KCNC4: variants seen among roughly 807,000 people sequenced by gnomAD.
KCNC4 encodes voltage-gated potassium channel KCNC4.
A neutral mutation model predicts 42.8 loss-of-function variants in KCNC4; 23 were observed. The ratio of observed to expected loss-of-function variants is 0.54; its 90% CI spans 0.39 to 0.76. The LOEUF is 0.76. Ranked by LOEUF, KCNC4 falls within the 30% of genes least tolerant of loss-of-function variation. The pLI is 0.00. For missense variants in KCNC4, 751 were observed against 898.2 expected (o/e 0.84, Z 2.10); for synonymous variants, 422 against 393.5 (o/e 1.07, Z -0.86).
intron 1 of KCNC4, among the ~76,000 whole-genome samples, chr1:110,255,335 C>A (rs975147961): frequency 6.6e-6 from 1 of 152,186 alleles, no homozygotes; most frequent in Non-Finnish European, 1.5e-5. Flanking sequence ...TTCACTTCAC[C>A]GTCTTCTCTC....
At position 110,210,800 on chromosome 1, in the gene KCNC4, C is replaced by T. The variant is rs1385480896; in HGVS notation, c.-700C>T. Among the ~76,000 whole-genome samples, 2 of 151,968 alleles carry T rather than the reference C, an allele frequency of 1.3e-5. No homozygotes were observed. Among genetic ancestry groups the T allele is most frequent in the Non-Finnish European group, 1.5e-5 (1 of 67,944 alleles). On this transcript the variant is annotated 5_prime_UTR_variant, in exon 1 of 4. Coordinates refer to ENST00000438661, the MANE Select transcript of KCNC4 (RefSeq NM_001039574.3). ...GCGGGCGCGCTTGTTTTCCAGCTGC[C>T]GCCTCGCCCTGCGCAGCCCCCGCCC... is the stretch of plus-strand genomic sequence containing the variant.
At chr1:110,232,236 G>C (rs749707254) in intron 3 of KCNC4, 1 of 1,613,946 alleles carries the variant, frequency 6.2e-7, no homozygotes, top group Non-Finnish European at 8.5e-7. Flanking sequence ...TTCGTCCTCC[G>C]TGACCTTCCC....
intron 1 of KCNC4, chr1:110,222,694 T>TGCCCTTTGATAG (rs1182109571): frequency 4.5e-6 from 2 of 443,272 alleles, no homozygotes; most frequent in Non-Finnish European, 8.2e-6. Flanking sequence ...CAAAGGCAGG[T>TGCCCTTTGATAG]CTAGCAGCTG....
intron 1 of KCNC4, among the ~76,000 whole-genome samples, chr1:110,273,892 G>A (rs1659675320): frequency 6.6e-6 from 1 of 152,194 alleles, no homozygotes; most frequent in African/African-American, 2.4e-5. Context: ...ACTGGTGGTA[G>A]AGAGGTCTCA....
intron 1 of KCNC4, among the ~76,000 whole-genome samples, chr1:110,270,350 G>A (rs901886040): frequency 1.3e-5 from 2 of 152,200 alleles, no homozygotes; most frequent in South Asian, 4.1e-4. Context: ...CAGGGAACAA[G>A]CTACTGGAAA....
chr1:110,277,810 C>G (rs1327450125), intron 1 of KCNC4, among the ~76,000 whole-genome samples: 1 of 152,098 alleles, frequency 6.6e-6, no homozygotes, highest in Non-Finnish European at 1.5e-5. Context: ...TTTATAAGAC[C>G]CTTTCTTTTT....
chr1:110,223,426 T>C lies in KCNC4; in HGVS notation c.1141T>C (p.Phe381Leu). The change falls in exon 2 of 4, where the codon TTC (phenylalanine) becomes CTC (leucine). Residue 381 changes from phenylalanine (F) to leucine (L), a missense_variant. Phe to Leu is a conservative substitution (Grantham distance 22). Transcript: ENST00000438661. This position sits in a 1 kb window ranked among gnomAD's most constrained non-coding sequence, Gnocchi z 7.5. ...GHTLRASTNEFLLLIIFLALG... is the reference protein window; with the variant it reads ...GHTLRASTNELLLLIIFLALG... ...CACCCTGAGGGCCAGCACCAATGAG[T>C]TCCTGCTGCTTATCATCTTCCTGGC... 6.2e-7 allele frequency: 1 copy of C among 1,613,892 alleles called. No homozygotes were observed. Among genetic ancestry groups the C allele is most frequent in the Non-Finnish European group, 8.5e-7 (1 of 1,180,006 alleles).
intron 1 of KCNC4, among the ~76,000 whole-genome samples, chr1:110,277,545 A>G (rs143820614): frequency 6.6e-6 from 1 of 152,318 alleles, no homozygotes; most frequent in Non-Finnish European, 1.5e-5. Context: ...CAAGATCTAT[A>G]AAGTCTGACA....
rs778026087 is a variant in KCNC4, at chr1:110,223,293, C to T, written c.1008C>T (p.Ser336=). ...AGGTGGGGCTGAGCGGCCTGTCATC[C>T]AAGGCGGCCCGCGACGTGCTGGGCT... The part of the protein sequence containing the change: ...YLEVGLSGLS[S]KAARDVLGFL... Residue 336 remains serine (S), a synonymous_variant, in exon 2 of 4, where the codon TCC becomes TCT. Coordinates refer to ENST00000438661, the MANE Select transcript of KCNC4 (RefSeq NM_001039574.3). This position sits in a 1 kb window ranked among gnomAD's most constrained non-coding sequence, Gnocchi z 7.5. The T allele has an allele frequency of 3.7e-6, 6 of 1,614,214 alleles. No individual in the cohort carries two copies. The highest frequency in any genetic ancestry group is 5.1e-6 in the Non-Finnish European group (6 of 1,180,036).
intron 3 of KCNC4, among the ~76,000 whole-genome samples, chr1:110,227,475 G>T (rs931258966): frequency 1.3e-5 from 2 of 152,216 alleles, no homozygotes; most frequent in African/African-American, 4.8e-5. Context: ...TGCCTAGAAG[G>T]AAGTGGTCCA....
exon 4 of KCNC4, chr1:110,242,288 C>T (rs1359625975): frequency 6.6e-6 from 1 of 152,198 alleles, no homozygotes; most frequent in Non-Finnish European, 1.5e-5. Context: ...TTTCTCCCTC[C>T]GTCTGCTTCC....
chr1:110,260,308 A>G (rs1659402931), intron 1 of KCNC4, among the ~76,000 whole-genome samples: 1 of 152,222 alleles, frequency 6.6e-6, no homozygotes, highest in Admixed American at 6.5e-5. Flanking sequence ...GGGATCTGTA[A>G]GATGTTAGGA....
intron 3 of KCNC4, 31 bp downstream of exon 3, chr1:110,226,209 G>C: frequency 6.2e-7 from 1 of 1,601,102 alleles, no homozygotes; most frequent in African/African-American, 1.3e-5. Context: ...CAGGTGGGGA[G>C]CCCCCACAGA....
chr1:110,224,082 G>A (rs866305493), intron 2 of KCNC4, 182 bp downstream of exon 2: 42 of 596,846 alleles, frequency 7.0e-5, no homozygotes, highest in Middle Eastern at 2.8e-4. Flanking sequence ...CTGGGTCTCC[G>A]ATAGCTTCCC....
intron 1 of KCNC4, among the ~76,000 whole-genome samples, chr1:110,214,976 C>T (rs574492298): frequency 1.3e-5 from 2 of 152,196 alleles, no homozygotes; most frequent in African/African-American, 4.8e-5. Flanking sequence ...GCCCTGTTCC[C>T]CCCGGTATAT....
chr1:110,238,281 G>A (rs185495440), downstream of KCNC4: 2 of 152,130 alleles, frequency 1.3e-5, no homozygotes, highest in South Asian at 2.1e-4. Flanking sequence ...CATCAAATAC[G>A]AGTCTACAGA....
chr1:110,237,932 CTG>C (rs931164092), downstream of KCNC4: 2 of 152,294 alleles, frequency 1.3e-5, no homozygotes, highest in African/African-American at 4.8e-5. Flanking sequence ...GCTCCAAGCC[CTG>C]TGTGTGCATA....
At chr1:110,241,178 C>T (rs1465264183) in exon 4 of KCNC4, 1 of 152,164 alleles carries the variant, frequency 6.6e-6, no homozygotes, top group Non-Finnish European at 1.5e-5. Flanking sequence ...CTAATACTCT[C>T]TATCTTTCTG....
intron 2 of KCNC4, chr1:110,282,901 G>A (rs1441765953): frequency 6.6e-6 from 1 of 152,232 alleles, no homozygotes; most frequent in Non-Finnish European, 1.5e-5. Context: ...AAACTTCTAA[G>A]AGACTGAGTG....
Sources: allele counts gnomAD v4.1 joint callset (sites outside exome capture counted in the v4.1 genomes callset), GRCh38; gene constraint gnomAD v4.1.1; non-coding constraint Gnocchi (gnomAD v3.1); transcripts MANE v1.5; gene names NCBI Gene and HGNC (gene_info 2026-07-23, HGNC 2026-07-21).